ABCA7: variants seen among roughly 807,000 people sequenced by gnomAD.
ABCA7 encodes ATP binding cassette subfamily A member 7, also known as phospholipid-transporting ATPase ABCA7.
ABCA7 carries 261 observed loss-of-function variants against 227.6 expected under a neutral mutation model. That is an observed-to-expected ratio of 1.15 (90% CI 1.04 to 1.27). The LOEUF (loss-of-function observed/expected upper bound fraction) is 1.27. Ranked by LOEUF, ABCA7 falls within the 50% of genes most tolerant of loss-of-function variation. ABCA7 has a pLI of 0.00. For synonymous variants in ABCA7, 1,488 were observed against 1,279.7 expected, an observed-to-expected ratio of 1.16 and a Z score of -3.47; for missense variants, 3,331 against 2,924.5, an observed-to-expected ratio of 1.14 and a Z score of -3.21.
At chr19:1,060,194 A>AGT in intron 40 of ABCA7, among the ~76,000 whole-genome samples, 1 of 82,852 alleles carries the variant, frequency 1.2e-5, no homozygotes, top group East Asian at 2.8e-4. Flanking sequence ...CACACATTGC[A>AGT]GTATATATAT....
chr19:1,044,994 T>A lies in ABCA7; in HGVS notation c.1216-8T>A. On this transcript the variant is annotated splice_region_variant and splice_polypyrimidine_tract_variant and intron_variant, in intron 11 of 46. Coordinates refer to ENST00000263094, the MANE Select transcript of ABCA7 (RefSeq NM_019112.4). ...CCAGCGCCTAGGACTCACCCCCGCA[T>A]CCCACAGTGCCTGTCCTTGGACAAG... is the stretch of plus-strand genomic sequence containing the variant. 1.9e-6 allele frequency: 3 copies of A among 1,612,244 alleles called. No homozygotes were observed. Among genetic ancestry groups the A allele is most frequent in the Non-Finnish European group, 2.5e-6 (3 of 1,179,782 alleles).
At chr19:1,045,497 G>T (rs1291271972) in intron 12 of ABCA7, 3 of 495,810 alleles carry the variant, frequency 6.1e-6, no homozygotes, top group African/African-American at 3.9e-5. Flanking sequence ...GCGGAGCCAG[G>T]TGTATTATTA....
chr19:1,053,515 A>G lies in ABCA7; in HGVS notation c.3407A>G (p.Asp1136Gly). The change falls in exon 24 of 47, where the codon GAC (aspartate) becomes GGC (glycine). Residue 1136 changes from aspartate (D) to glycine (G), a missense_variant. By Grantham distance (94) the Asp-to-Gly change is moderately conservative (BLOSUM62 -1). Transcript: ENST00000263094. ...ELRLTGYGIS[D>G]TSLEEIFLKV... ...AGGCTCACTGGCTACGGGATCTCCG[A>G]CACCAGCCTCGAGGAGGTGTGAGGC... is the stretch of plus-strand genomic sequence containing the variant. The G allele has an allele frequency of 2.5e-6, 4 of 1,568,716 alleles. No homozygotes were observed. The highest frequency in any genetic ancestry group is 1.7e-4 in the Middle Eastern group (1 of 5,986).
rs1027927807 is a variant in ABCA7, at chr19:1,054,237, G to T, written c.3622G>T (p.Val1208Leu). ...TGACCAGGGCTCTGGGCCAGACGCC[G>T]TGGGCCGGGTACAGGGCTGGGCACT... ...ETDQGSGPDA[V>L]GRVQGWALTR... The change falls in exon 27 of 47, where the codon GTG (valine) becomes TTG (leucine). Residue 1208 changes from valine (V) to leucine (L), a missense_variant. Val to Leu is a conservative substitution (Grantham distance 32). Coordinates refer to ENST00000263094, the MANE Select transcript of ABCA7 (RefSeq NM_019112.4). The surrounding 1 kb of genome is among the most constrained non-coding windows in gnomAD (Gnocchi z 4.8). 6.2e-7 allele frequency: 1 copy of T among 1,608,340 alleles called. No homozygotes were observed. The highest frequency in any genetic ancestry group is 1.3e-5 in the African/African-American group (1 of 74,918).
intron 1 of ABCA7, among the ~76,000 whole-genome samples, chr19:1,040,883 C>T (rs1470040829): frequency 6.6e-6 from 1 of 152,142 alleles, no homozygotes; most frequent in East Asian, 1.9e-4. Context: ...AAATGTCCAG[C>T]ACTGCCAATA....
In ABCA7 at chr19:1,044,494, C is replaced by T. The variant is rs1228897811; in HGVS notation, c.1048-83C>T. 14 of 1,495,952 alleles carry T rather than the reference C, an allele frequency of 9.4e-6. No homozygotes were observed. In the African/African-American group the frequency reaches 1.5e-4, roughly 16 times the overall value. 92.7% of individuals were successfully genotyped at this position (1,495,952 alleles called of 1,614,324 possible). A position where few individuals can be genotyped will look rare whatever the true frequency, so the allele number is the denominator to read the frequency against. On this transcript the variant is annotated intron_variant, in intron 10 of 46. Transcript: ENST00000263094. ...AACTCCTGACCTCAGGTGATCCACC[C>T]GCCTCGCCTCCCAAAGTGCTGGGAT...
Position 1,058,885 on chromosome 19 carries a change from G to A in ABCA7, c.5345G>A (p.Arg1782Gln), listed in dbSNP as rs200364821. Reference sequence around the variant, plus strand: ...GAGGATGTAGCCCGTGAACGGGAGCGGGTGGTCCAAGGAGCCACCCAGGGG... The same window carrying A: ...GAGGATGTAGCCCGTGAACGGGAGCAGGTGGTCCAAGGAGCCACCCAGGGG... ...EDEDVARERERVVQGATQGDV... is the reference protein window; with the variant it reads ...EDEDVAREREQVVQGATQGDV... Residue 1782 changes from arginine (R) to glutamine (Q), a missense_variant, in exon 39 of 47, where the codon CGG becomes CAG. Physicochemically the swap from Arg to Gln is conservative, Grantham distance 43. Transcript: ENST00000263094. The A allele has an allele frequency of 3.3e-5, 53 of 1,582,852 alleles. No individual in the cohort carries two copies. Among genetic ancestry groups the A allele is most frequent in the South Asian group, 9.2e-5 (8 of 86,734 alleles).
Position 1,043,032 on chromosome 19 carries a change from T to C in ABCA7, c.580-9T>C. The C allele has an allele frequency of 6.3e-7, 1 of 1,590,042 alleles. No individual in the cohort carries two copies. On this transcript the variant is annotated splice_polypyrimidine_tract_variant and intron_variant, in intron 7 of 46. Coordinates refer to ENST00000263094, the MANE Select transcript of ABCA7 (RefSeq NM_019112.4). The stretch of plus-strand genomic sequence containing the variant: ...TCATTGCCAGCTCCGTCTGGTAACC[T>C]CTCTCTAGCTCCTGGCGCTGCGCAG...
chr19:1,047,912 G>A (rs1389251775), intron 16 of ABCA7, among the ~76,000 whole-genome samples: 2 of 152,208 alleles, frequency 1.3e-5, no homozygotes, highest in African/African-American at 4.8e-5. Flanking sequence ...ACAGTCGCCG[G>A]GCGCTGTGGC....
intron 6 of ABCA7, 127 bp downstream of exon 6, chr19:1,042,524 G>A (rs1261092827): frequency 1.6e-6 from 2 of 1,251,148 alleles, no homozygotes; most frequent in African/African-American, 3.0e-5. Context: ...TCTCTGCGGT[G>A]ATGCTGCTTG....
In ABCA7 at chr19:1,049,382, C is replaced by A. The variant is rs756145054; in HGVS notation, c.2497C>A (p.Gln833Lys). ...ALRGLSLDFY[Q>K]GHITAFLGHN... ...GCGGGGGCTCAGCCTGGACTTCTAC[C>A]AGGGCCACATCACCGCCTTCCTGGG... The change falls in exon 18 of 47, where the codon CAG becomes AAG. Residue 833 changes from glutamine to lysine, a missense_variant. Coordinates refer to ENST00000263094, the MANE Select transcript of ABCA7 (RefSeq NM_019112.4). 3 of 1,611,168 alleles carry A rather than the reference C, an allele frequency of 1.9e-6. No homozygotes were observed. The highest frequency in any genetic ancestry group is 2.5e-6 in the Non-Finnish European group (3 of 1,179,046).
chr19:1,058,165 G>C lies in ABCA7; in HGVS notation c.5045G>C (p.Arg1682Pro). Residue 1682 changes from arginine (R) to proline (P), a missense_variant, in exon 37 of 47, where the codon CGG becomes CCG. Physicochemically the swap from Arg to Pro is moderately radical, Grantham distance 103. Coordinates refer to ENST00000263094, the MANE Select transcript of ABCA7 (RefSeq NM_019112.4). ...GAGCAGAAGCTGCAGGAGGTGAGCC[G>C]GATCTTGAAACAGGTCTTCCTTATC... ...FSDQKLQEVS[R>P]ILKQVFLIFP... 2.5e-6 allele frequency: 4 copies of C among 1,613,832 alleles called. No individual in the cohort carries two copies. Among genetic ancestry groups the C allele is most frequent in the Non-Finnish European group, 3.4e-6 (4 of 1,179,954 alleles).
Position 1,051,041 on chromosome 19 carries a change from GC to G in ABCA7, c.2674del (p.Leu892CysfsTer5). 2.5e-6 allele frequency: 4 copies of G among 1,611,496 alleles called. No individual in the cohort carries two copies. The highest frequency in any genetic ancestry group is 3.4e-6 in the Non-Finnish European group (4 of 1,179,090). On this transcript the variant is annotated frameshift_variant, in exon 19 of 47. Coordinates refer to ENST00000263094, the MANE Select transcript of ABCA7 (RefSeq NM_019112.4). LOFTEE classifies it high-confidence loss of function. ...TGGGCGTCTGTCCTCAGTACAACGT[GC>G]TGTTTGACATGTGCGTCTCGGCAGG... ...HLGVCPQYNVLFDMLTVDEHV... is the reference protein window; with the variant it reads ...HLGVCPQYNVXFDMLTVDEHV...
Position 1,056,320 on chromosome 19 carries a change from C to G in ABCA7, c.4417-10C>G, listed in dbSNP as rs764384526. The G allele has an allele frequency of 1.9e-6, 3 of 1,605,676 alleles. No homozygotes were observed. Among genetic ancestry groups the G allele is most frequent in the Non-Finnish European group, 2.5e-6 (3 of 1,179,442 alleles). On this transcript the variant is annotated splice_polypyrimidine_tract_variant and intron_variant, in intron 32 of 46. Coordinates refer to ENST00000263094, the MANE Select transcript of ABCA7 (RefSeq NM_019112.4). The surrounding 1 kb of genome is among the most constrained non-coding windows in gnomAD (Gnocchi z 4.3). ...ATTGCTCTGACCCTATGACCTTGAC[C>G]CCCACCCAGATCTGGTTCAACAACA...
intron 16 of ABCA7, 72 bp from the exon 17 acceptor site, chr19:1,048,823 A>C: frequency 1.3e-6 from 1 of 785,450 alleles, no homozygotes; most frequent in Non-Finnish European, 1.9e-6. Flanking sequence ...AAAAAAAAAA[A>C]CAAAACCCCA....
At chr19:1,041,153 ATTGGT>A in intron 1 of ABCA7, 67 bp from the exon 2 acceptor site, 1 of 611,680 alleles carries the variant, frequency 1.6e-6, no homozygotes, top group East Asian at 2.8e-5. Flanking sequence ...TTGCGCTCCC[ATTGGT>A]TTACTCCACC....
At chr19:1,062,391 ATCCCGCAC>A in intron 42 of ABCA7, 78 bp downstream of exon 42, 1 of 1,557,624 alleles carries the variant, frequency 6.4e-7, no homozygotes, top group South Asian at 1.2e-5. Context: ...GCCTGGCCCA[ATCCCGCAC>A]TCTCTCGCCT....
At position 1,047,640 on chromosome 19, in the gene ABCA7, A is replaced by G; in HGVS notation, c.2255A>G (p.Glu752Gly). 6.3e-7 allele frequency: 1 copy of G among 1,597,194 alleles called. No homozygotes were observed. Among genetic ancestry groups the G allele is most frequent in the Non-Finnish European group, 8.5e-7 (1 of 1,176,700 alleles). ...ALYGLATWYL[E>G]AVCPGQYGIP... ...TACGGCCTCGCCACCTGGTACCTGGAAGCTGTGTGCCCAGGTGGGCCGTAG... is the reference window on the plus strand; with the variant it reads ...TACGGCCTCGCCACCTGGTACCTGGGAGCTGTGTGCCCAGGTGGGCCGTAG... The change falls in exon 16 of 47, where the codon GAA (glutamate) becomes GGA (glycine). Residue 752 changes from glutamate (E) to glycine (G), a missense_variant. Glu to Gly is a moderately conservative substitution (Grantham distance 98). Transcript: ENST00000263094.
In ABCA7 at chr19:1,041,579, C is replaced by G; in HGVS notation, c.136C>G (p.His46Asp). ...FFILVAVRHS[H>D]PPLEHHECHF... ...CATCCTGGTGGCTGTTCGCCACTCCCACCCGCCCCTGGAGCACCATGAATG... is the reference window on the plus strand; with the variant it reads ...CATCCTGGTGGCTGTTCGCCACTCCGACCCGCCCCTGGAGCACCATGAATG... Residue 46 changes from histidine to aspartate, a missense_variant, in exon 3 of 47, where the codon CAC becomes GAC. Transcript: ENST00000263094. 1 of 1,612,748 alleles carries G rather than the reference C, an allele frequency of 6.2e-7. No homozygotes were observed.
Sources: allele counts gnomAD v4.1 joint callset (sites outside exome capture counted in the v4.1 genomes callset), GRCh38; gene constraint gnomAD v4.1.1; non-coding constraint Gnocchi (gnomAD v3.1); transcripts MANE v1.5; gene names NCBI Gene and HGNC (gene_info 2026-07-23, HGNC 2026-07-21).